The following KIAA0232 variants were observed in gnomAD, a reference collection of about 807,000 sequenced individuals.
KIAA0232 encodes the protein uncharacterized protein KIAA0232.
A neutral mutation model predicts 122.0 loss-of-function variants in KIAA0232; 27 were observed. The observed-to-expected ratio is 0.22, with a 90% CI of 0.16 to 0.31. KIAA0232 has a LOEUF of 0.31. KIAA0232 is among the 10% of genes least tolerant of loss of function. The pLI is 1.00. For missense variants in KIAA0232, 1,551 were observed against 1,634.2 expected (o/e 0.95, Z 0.88); for synonymous variants, 613 against 587.6 (o/e 1.04, Z -0.63).
intron 3 of KIAA0232, among the ~76,000 whole-genome samples, chr4:6,832,945 T>G (rs1432983793): frequency 6.6e-6 from 1 of 152,194 alleles, no homozygotes; most frequent in Non-Finnish European, 1.5e-5. Context: ...GATTATTACA[T>G]TATCTGTATT....
At chr4:6,831,676 G>A (rs775570957) in intron 3 of KIAA0232, among the ~76,000 whole-genome samples, 18 of 152,182 alleles carry the variant, frequency 1.2e-4, no homozygotes, top group Non-Finnish European at 1.8e-4. Flanking sequence ...AAGATTACTG[G>A]CAACCCAGAA....
intron 8 of KIAA0232, among the ~76,000 whole-genome samples, chr4:6,875,687 G>A (rs1044238651): frequency 1.3e-5 from 2 of 152,172 alleles, no homozygotes; most frequent in South Asian, 4.1e-4. Context: ...GCAGGGGATG[G>A]GGGGTGTGAT....
chr4:6,786,468 A>G (rs1361570021), intron 1 of KIAA0232, among the ~76,000 whole-genome samples: 5 of 151,992 alleles, frequency 3.3e-5, no homozygotes, highest in Non-Finnish European at 7.4e-5. Context: ...ATGCTCAGCT[A>G]ATTAAAACAA....
chr4:6,837,663 G>A (rs1719393332), intron 3 of KIAA0232, among the ~76,000 whole-genome samples: 1 of 152,220 alleles, frequency 6.6e-6, no homozygotes, highest in Non-Finnish European at 1.5e-5. Flanking sequence ...TGCAATCCCG[G>A]CACCTCGGGA....
chr4:6,798,874 A>G (rs931669418), intron 1 of KIAA0232, among the ~76,000 whole-genome samples: 4 of 152,170 alleles, frequency 2.6e-5, no homozygotes, highest in African/African-American at 9.7e-5. Context: ...TTACTAAGAT[A>G]AAAGTTGCAC....
intron 2 of KIAA0232, among the ~76,000 whole-genome samples, chr4:6,813,880 A>C (rs1020566727): frequency 6.6e-6 from 1 of 152,108 alleles, no homozygotes; most frequent in Non-Finnish European, 1.5e-5. Context: ...GGGGGCTGCC[A>C]TAGGAGTGAG....
Position 6,857,162 on chromosome 4 carries a change from A to G in KIAA0232, c.370-2A>G. The G allele has an allele frequency of 6.2e-7, 1 of 1,603,082 alleles. No individual in the cohort carries two copies. The highest frequency in any genetic ancestry group is 8.5e-7 in the Non-Finnish European group (1 of 1,174,730). On this transcript the variant is annotated splice_acceptor_variant, in intron 4 of 9. Transcript: ENST00000307659. LOFTEE classifies it high-confidence loss of function. ...CTAATGTGTCTTTTTGTTGTCATGC[A>G]GAGCTCTGGTATCGAGACTTTAGTG...
chr4:6,817,336 C>A (rs1209639180), intron 2 of KIAA0232, among the ~76,000 whole-genome samples: 1 of 152,166 alleles, frequency 6.6e-6, no homozygotes, highest in Non-Finnish European at 1.5e-5. Flanking sequence ...TTCACCTCAG[C>A]CTCCCAAGTA....
At chr4:6,857,707 T>G (rs868345381) in intron 5 of KIAA0232, among the ~76,000 whole-genome samples, 1 of 152,204 alleles carries the variant, frequency 6.6e-6, no homozygotes, top group African/African-American at 2.4e-5. Flanking sequence ...GACTCAGCTT[T>G]TTTGAAAACA....
At chr4:6,875,679 A>G (rs1238190283) in intron 8 of KIAA0232, among the ~76,000 whole-genome samples, 1 of 152,190 alleles carries the variant, frequency 6.6e-6, no homozygotes, top group East Asian at 1.9e-4. Context: ...ACTCTGTGGC[A>G]GGGGATGGGG....
chr4:6,800,428 T>C (rs1717337267), intron 1 of KIAA0232, among the ~76,000 whole-genome samples: 1 of 150,680 alleles, frequency 6.6e-6, no homozygotes, highest in Non-Finnish European at 1.5e-5. Flanking sequence ...ATGCCTGTAA[T>C]CCCAGCACTT....
chr4:6,824,682 C>G lies in KIAA0232; in HGVS notation c.229C>G (p.Gln77Glu). The G allele has an allele frequency of 6.2e-7, 1 of 1,612,474 alleles. No individual in the cohort carries two copies. The highest frequency in any genetic ancestry group is 8.5e-7 in the Non-Finnish European group (1 of 1,178,506). ...CAGCTATGACTACGACCTGCAGGAA[C>G]AGGTATTTACATATTTTAAGTGTTT... The part of the protein sequence containing the change: ...HDSYDYDLQE[Q>E]ENDIFLGWEK... The change falls in exon 3 of 10, where the codon CAG becomes GAG. Residue 77 changes from glutamine to glutamate, a missense_variant and splice_region_variant. Transcript: ENST00000307659.
intron 1 of KIAA0232, among the ~76,000 whole-genome samples, chr4:6,786,868 C>G (rs1716643228): frequency 6.6e-6 from 1 of 152,070 alleles, no homozygotes; most frequent in African/African-American, 2.4e-5. Context: ...GCAGAGGGAA[C>G]CAGAGCACAA....
At chr4:6,783,660 G>A (rs569831859) in intron 1 of KIAA0232, among the ~76,000 whole-genome samples, 2 of 150,112 alleles carry the variant, frequency 1.3e-5, no homozygotes, top group South Asian at 2.1e-4. Context: ...CCGGCTGAGC[G>A]ACTGGCGCGC....
In KIAA0232 at chr4:6,861,458, T is replaced by G. The variant is rs758409390; in HGVS notation, c.1076T>G (p.Val359Gly). ...AGTAGCAGTAGCAGCAGTGGTTCTGTCAAACAGCTGTGCAAGCGGGGTAAG... is the reference window on the plus strand; with the variant it reads ...AGTAGCAGTAGCAGCAGTGGTTCTGGCAAACAGCTGTGCAAGCGGGGTAAG... ...GSSSSSSSGS[V>G]KQLCKRGKRP... Residue 359 changes from valine to glycine, a missense_variant, in exon 7 of 10, where the codon GTC (valine) becomes GGC (glycine). By Grantham distance (109) the Val-to-Gly change is moderately radical. Transcript: ENST00000307659. The G allele has an allele frequency of 2.8e-5, 45 of 1,613,958 alleles. No individual in the cohort carries two copies. Among genetic ancestry groups the G allele is most frequent in the Admixed American group, 6.7e-5 (4 of 59,996 alleles).
chr4:6,816,839 A>G (rs140592356), intron 2 of KIAA0232, among the ~76,000 whole-genome samples: 157 of 152,286 alleles, frequency 1.0e-3, no homozygotes, highest in African/African-American at 3.4e-3. Flanking sequence ...GTATCTTTCA[A>G]GGAATTTTTC....
chr4:6,847,242 A>G (rs1025452903), intron 4 of KIAA0232, among the ~76,000 whole-genome samples: 3 of 152,220 alleles, frequency 2.0e-5, no homozygotes, highest in African/African-American at 7.2e-5. Flanking sequence ...AACTGTTTCT[A>G]TAAAAGCATC....
chr4:6,842,067 G>A lies in KIAA0232; in HGVS notation c.232G>A (p.Glu78Lys). Residue 78 changes from glutamate to lysine, a missense_variant and splice_region_variant, in exon 4 of 10, where the codon GAG becomes AAG. This residue lies in a region of KIAA0232 where 377 missense variants were observed against 381.7 expected (regional missense o/e 0.99). Coordinates refer to ENST00000307659, the MANE Select transcript of KIAA0232 (RefSeq NM_014743.3). ...DSYDYDLQEQ[E>K]NDIFLGWEKG... is the part of the protein sequence containing the mutation. ...TTAACCTGGTGCAATTTCATTGCAGGAGAATGACATCTTCCTGGGCTGGGA... is the reference window on the plus strand; with the variant it reads ...TTAACCTGGTGCAATTTCATTGCAGAAGAATGACATCTTCCTGGGCTGGGA... 6.2e-7 allele frequency: 1 copy of A among 1,613,382 alleles called. No individual in the cohort carries two copies. The highest frequency in any genetic ancestry group is 1.3e-5 in the African/African-American group (1 of 74,944).
intron 9 of KIAA0232, among the ~76,000 whole-genome samples, chr4:6,879,755 A>G (rs1721954965): frequency 6.6e-6 from 1 of 151,998 alleles, no homozygotes; most frequent in South Asian, 2.1e-4. Context: ...GCACCTCTGC[A>G]TGGCTGGCTT....
Sources: gnomAD v4.1 joint callset for allele counts (sites outside exome capture counted in the v4.1 genomes callset) on GRCh38, gnomAD v4.1.1 for gene constraint, gnomAD v4.1.1 regional missense constraint, MANE v1.5 for transcripts, NCBI Gene and HGNC (gene_info 2026-07-23, HGNC 2026-07-21) for gene names.